Variants in EML6 observed in about 807,000 individuals in gnomAD.
The protein encoded by EML6 is EMAP like 6.
A neutral mutation model predicts 240.1 loss-of-function variants in EML6; 154 were observed. The ratio of observed to expected loss-of-function variants is 0.64; its 90% CI spans 0.56 to 0.73. The LOEUF is 0.73. EML6 is among the 30% of genes least tolerant of loss of function. EML6 has a pLI of 0.00. For missense variants in EML6, 2,964 were observed against 2,474.6 expected, an observed-to-expected ratio of 1.20 and a Z score of -4.20; for synonymous variants, 1,148 against 899.0, an observed-to-expected ratio of 1.28 and a Z score of -4.95.
At chr2:54,916,275 C>A (rs552695675) in intron 25 of EML6, among the ~76,000 whole-genome samples, 1 of 152,276 alleles carries the variant, frequency 6.6e-6, no homozygotes, top group African/African-American at 2.4e-5. Flanking sequence ...CAACTGAGAG[C>A]AATTTTGTTT....
intron 11 of EML6, among the ~76,000 whole-genome samples, chr2:54,858,531 A>G (rs968608848): frequency 6.6e-6 from 1 of 152,186 alleles, no homozygotes; most frequent in Admixed American, 6.5e-5. Flanking sequence ...AGTTGGAGCC[A>G]GTTTGACTTT....
chr2:54,741,334 A>T (rs1683620012), intron 2 of EML6, among the ~76,000 whole-genome samples: 1 of 152,150 alleles, frequency 6.6e-6, no homozygotes, highest in Non-Finnish European at 1.5e-5. Context: ...AAAAATTCAG[A>T]TTTAATGAGC....
rs1014447423 is a variant in EML6, at chr2:54,892,531, C to G, written c.2617C>G (p.Arg873Gly). Residue 873 changes from arginine to glycine, a missense_variant, in exon 19 of 42, where the codon CGA (arginine) becomes GGA (glycine). By Grantham distance (125) the Arg-to-Gly change is moderately radical. Transcript: ENST00000356458. ...LETMMCVSYGRMEDLVFSGAA... is the reference protein window; with the variant it reads ...LETMMCVSYGGMEDLVFSGAA... Reference sequence around the variant, plus strand: ...AACAATGATGTGTGTTTCTTACGGACGAATGGAAGATCTAGTGTTCTCAGG... The same window carrying G: ...AACAATGATGTGTGTTTCTTACGGAGGAATGGAAGATCTAGTGTTCTCAGG... 2 of 1,551,154 alleles carry G rather than the reference C, an allele frequency of 1.3e-6. No homozygotes were observed. Among genetic ancestry groups the G allele is most frequent in the Non-Finnish European group, 1.7e-6 (2 of 1,146,632 alleles).
rs141873291 is a variant in EML6 at position 54,957,647 on chromosome 2, A to G, written c.4487-143A>G. The G allele has an allele frequency of 6.7e-3, 4,708 of 705,862 alleles. 21 individuals carry two copies. Among genetic ancestry groups the G allele is most frequent in the Non-Finnish European group, 8.6e-3 (3,614 of 420,874 alleles). The allele number at this position is 705,862 out of a possible 1,614,324, so 43.7% of individuals were successfully genotyped here. A position where few individuals can be genotyped will look rare whatever the true frequency, so the allele number is the denominator to read the frequency against. On this transcript the variant is annotated intron_variant, in intron 32 of 41. Coordinates refer to ENST00000356458, the MANE Select transcript of EML6 (RefSeq NM_001039753.4). ...CTTTCCCCGCTGCCACCTGGGGAAT[A>G]GTGTCTGAAGGGGAGAGAGTGCTGT...
At chr2:54,906,572 G>GCCA (rs1267886424) in intron 24 of EML6, among the ~76,000 whole-genome samples, 4 of 152,194 alleles carry the variant, frequency 2.6e-5, no homozygotes, top group Non-Finnish European at 5.9e-5. Flanking sequence ...TCTTTGAAAA[G>GCCA]CCACCATGCT....
intron 10 of EML6, among the ~76,000 whole-genome samples, chr2:54,852,012 G>C (rs1670116790): frequency 6.6e-6 from 1 of 152,196 alleles, no homozygotes; most frequent in East Asian, 1.9e-4. Flanking sequence ...GGCCCTGGGA[G>C]TATTAGAAAC....
chr2:54,903,858 C>G (rs971934356), intron 24 of EML6, among the ~76,000 whole-genome samples: 2 of 152,140 alleles, frequency 1.3e-5, no homozygotes, highest in African/African-American at 4.8e-5. Flanking sequence ...GGCTGGTTTC[C>G]CTTTTCCACC....
At position 54,964,101 on chromosome 2, in the gene EML6, A is replaced by G. The variant is rs1241556181; in HGVS notation, c.5273A>G (p.Asn1758Ser). ...GGAGAGTTTGTCATCTTGTTGGTGA[A>G]CAGCCTGAAAGTTTGGGGGAAAAAA... ...KNGEFVILLV[N>S]SLKVWGKKRD... Residue 1758 changes from asparagine (N) to serine (S), a missense_variant, in exon 37 of 42, where the codon AAC becomes AGC. Transcript: ENST00000356458. 2.6e-6 allele frequency: 4 copies of G among 1,551,598 alleles called. No homozygotes were observed. The highest frequency in any genetic ancestry group is 3.9e-5 in the Admixed American group (2 of 50,988).
At chr2:54,880,135 A>G (rs1671737394) in intron 17 of EML6, 1 of 153,744 alleles carries the variant, frequency 6.5e-6, no homozygotes, top group African/African-American at 2.4e-5. Context: ...TTATAAATAG[A>G]TTTTTTGAGA....
intron 26 of EML6, among the ~76,000 whole-genome samples, chr2:54,921,884 A>G (rs1674275396): frequency 6.6e-6 from 1 of 152,182 alleles, no homozygotes; most frequent in Admixed American, 6.5e-5. Flanking sequence ...ATTCAAAAGA[A>G]TGAATTTGGA....
chr2:54,945,484 C>G (rs144589262), intron 28 of EML6, among the ~76,000 whole-genome samples: 2 of 152,112 alleles, frequency 1.3e-5, no homozygotes, highest in South Asian at 4.1e-4. Context: ...TTTCCCCACA[C>G]TCACACCCAC....
chr2:54,943,413 T>A (rs1675529149), intron 28 of EML6, among the ~76,000 whole-genome samples: 1 of 151,888 alleles, frequency 6.6e-6, no homozygotes, highest in East Asian at 1.9e-4. Context: ...CATCCCAGTT[T>A]CCCACCTCCA....
intron 2 of EML6, among the ~76,000 whole-genome samples, chr2:54,775,229 G>A (rs1263134546): frequency 6.6e-6 from 1 of 152,114 alleles, no homozygotes; most frequent in Non-Finnish European, 1.5e-5. Flanking sequence ...CCAGTGTATT[G>A]ACAGTGAAAT....
intron 28 of EML6, among the ~76,000 whole-genome samples, chr2:54,932,206 C>T (rs901797940): frequency 6.6e-6 from 1 of 152,216 alleles, no homozygotes; most frequent in African/African-American, 2.4e-5. Context: ...ATGAGGTGTT[C>T]AGCGGGTAGC....
chr2:54,911,264 A>C (rs1673623517), intron 25 of EML6, among the ~76,000 whole-genome samples: 1 of 152,172 alleles, frequency 6.6e-6, no homozygotes, highest in South Asian at 2.1e-4. Context: ...GCTCTGCTTA[A>C]TTTTTCTCTG....
Position 54,816,660 on chromosome 2 carries a change from G to A in EML6, c.358-127G>A. The A allele has an allele frequency of 4.3e-6, 3 of 701,538 alleles. No homozygotes were observed. In the South Asian group the frequency reaches 5.5e-5, roughly 13 times the overall value. The allele number at this position is 701,538 out of a possible 1,614,324, so 43.5% of individuals were successfully genotyped here. On this transcript the variant is annotated intron_variant, in intron 3 of 41. Coordinates refer to ENST00000356458, the MANE Select transcript of EML6 (RefSeq NM_001039753.4). ...TATTTTTAGTTTGGGGTTTAAGATG[G>A]GTTTTGAGAAATCGGTTTGTTATAA...
At chr2:54,890,018 A>G (rs1672382659) in intron 17 of EML6, among the ~76,000 whole-genome samples, 1 of 152,244 alleles carries the variant, frequency 6.6e-6, no homozygotes. Context: ...GGGAAATACA[A>G]ATGTCTAAAT....
intron 17 of EML6, among the ~76,000 whole-genome samples, chr2:54,884,062 C>G (rs1389670012): frequency 6.6e-6 from 1 of 152,168 alleles, no homozygotes; most frequent in African/African-American, 2.4e-5. Flanking sequence ...GCTGAGTATT[C>G]TCTAGTTCCG....
At chr2:54,894,842 A>T in intron 19 of EML6, 73 bp from the exon 20 acceptor site, 2 of 965,770 alleles carry the variant, frequency 2.1e-6, no homozygotes, top group Admixed American at 2.1e-5. Flanking sequence ...ACCTGCGGGG[A>T]ATCCTCCTGG....
Sources: allele counts gnomAD v4.1 joint callset (sites outside exome capture counted in the v4.1 genomes callset), GRCh38; gene constraint gnomAD v4.1.1; transcripts MANE v1.5; gene names NCBI Gene and HGNC (gene_info 2026-07-23, HGNC 2026-07-21).